NKAP: variants seen among roughly 807,000 people sequenced by gnomAD.
NKAP encodes the protein NF-kappa-B-activating protein.
A neutral mutation model predicts 35.6 loss-of-function variants in NKAP; 4 were observed. That is an observed-to-expected ratio of 0.11 (90% CI 0.06 to 0.26). NKAP has a LOEUF of 0.26. Ranked by LOEUF, NKAP falls within the 10% of genes least tolerant of loss-of-function variation. The pLI is 1.00. For missense variants in NKAP, 238 were observed against 321.9 expected, an observed-to-expected ratio of 0.74 and a Z score of 1.99; for synonymous variants, 106 against 119.2, an observed-to-expected ratio of 0.89 and a Z score of 0.72.
At chrX:119,925,865 C>A (rs926579502) in intron 8 of NKAP, among the ~76,000 whole-genome samples, 3 of 99,078 alleles carry the variant, frequency 3.0e-5, no homozygotes, top group Non-Finnish European at 6.1e-5. Context: ...GTCTTTGATT[C>A]ATTTCCACTA....
intron 2 of NKAP, 30 bp from the exon 3 acceptor site, chrX:119,936,712 T>A: frequency 9.2e-7 from 1 of 1,083,545 alleles, no homozygotes; most frequent in Non-Finnish European, 1.3e-6. Context: ...TTATAAGAAT[T>A]AGGAAAGTGA....
At chrX:119,928,991 G>C (rs866650501) in intron 8 of NKAP, among the ~76,000 whole-genome samples, 1 of 110,952 alleles carries the variant, frequency 9.0e-6, no homozygotes. Context: ...CCGCCTCCTG[G>C]GTTCATGCGA....
At chrX:119,929,759 CAA>C (rs1185549643) in intron 8 of NKAP, among the ~76,000 whole-genome samples, 1 of 111,581 alleles carries the variant, frequency 9.0e-6, no homozygotes, top group African/African-American at 3.3e-5. Context: ...AAGCAAATAC[CAA>C]CTAGGAAAGG....
chrX:119,936,414 ACTT>A lies in NKAP; in HGVS notation c.553_555del (p.Lys185del), dbSNP rs750968620. 2.2e-4 allele frequency: 251 copies of A among 1,154,013 alleles called. No individual in the cohort carries two copies. Among genetic ancestry groups the A allele is most frequent in the South Asian group, 1.8e-3 (91 of 50,518 alleles). ...TTGGACCTTTCTTTTGAACGGCTAG[ACTT>A]CTTCTTTTTTTCTTCTAAGAAAGTA... On this transcript the variant is annotated inframe_deletion, in exon 4 of 9. Coordinates refer to ENST00000371410, the MANE Select transcript of NKAP (RefSeq NM_024528.4).
chrX:119,933,745 C>T (rs1603380135), intron 5 of NKAP, among the ~76,000 whole-genome samples: 1 of 110,415 alleles, frequency 9.1e-6, no homozygotes, highest in East Asian at 2.8e-4. Flanking sequence ...TATTGAACTC[C>T]TGGGCTCAAG....
At position 119,921,470 on chromosome X, in the gene NKAP, A is replaced by G. The variant is rs1317216185; in HGVS notation, c.*3750T>C. On this transcript the variant is annotated 3_prime_UTR_variant, in exon 9 of 9. Coordinates refer to ENST00000371410, the MANE Select transcript of NKAP (RefSeq NM_024528.4). ...TTTTTAACTGTTAGATATTTGTGCAATAAATAAAAAAGGAGGGAAAACCAC... is the reference window on the plus strand; with the variant it reads ...TTTTTAACTGTTAGATATTTGTGCAGTAAATAAAAAAGGAGGGAAAACCAC... 1 of 107,291 alleles carries G rather than the reference A, an allele frequency of 9.3e-6. No individual in the cohort carries two copies. The highest frequency in any genetic ancestry group is 1.9e-5 in the Non-Finnish European group (1 of 52,154). 8.8% of individuals were successfully genotyped at this position (107,291 alleles called of 1,213,427 possible). A position where few individuals can be genotyped will look rare whatever the true frequency, so the allele number is the denominator to read the frequency against.
At chrX:119,926,428 G>A (rs1311497365) in intron 8 of NKAP, among the ~76,000 whole-genome samples, 9 of 108,783 alleles carry the variant, frequency 8.3e-5, no homozygotes, top group African/African-American at 3.0e-4. Context: ...CACCACGCCC[G>A]ACTAATTTTT....
intron 2 of NKAP, 116 bp from the exon 3 acceptor site, chrX:119,936,798 T>A: frequency 1.8e-6 from 1 of 545,378 alleles, no homozygotes; most frequent in Non-Finnish European, 3.1e-6. Context: ...CAAGAACCAT[T>A]AAAAGCAAGC....
chrX:119,931,995 T>G lies in NKAP; in HGVS notation c.864A>C (p.Ser288=). 8.3e-7 allele frequency: 1 copy of G among 1,208,353 alleles called. No homozygotes were observed. The highest frequency in any genetic ancestry group is 1.1e-6 in the Non-Finnish European group (1 of 892,739). ...WKDRTKAEEP[S]DLIGPEAPKT... ...TTGGAGCCTCTGGGCCAATTAAATC[T>G]GATGGTTCTTCAGCCTCTGCATGAA... Residue 288 remains serine, a synonymous_variant, in exon 7 of 9, where the codon TCA becomes TCC. Coordinates refer to ENST00000371410, the MANE Select transcript of NKAP (RefSeq NM_024528.4).
At position 119,930,201 on chromosome X, in the gene NKAP, A is replaced by G. The variant is rs370283339; in HGVS notation, c.924-36T>C. The G allele has an allele frequency of 1.3e-4, 153 of 1,136,215 alleles. 1 individual carries two copies. The African/African-American group carries it at 2.6e-3, about 19-fold the overall frequency. 93.6% of individuals were successfully genotyped at this position (1,136,215 alleles called of 1,213,427 possible). A position where few individuals can be genotyped will look rare whatever the true frequency, so the allele number is the denominator to read the frequency against. ...ATTCAGAATTCAGAAAAGGTCCATT[A>G]AATCATCTTAATATTAAAAGCTTAT... On this transcript the variant is annotated intron_variant, in intron 7 of 8. Transcript: ENST00000371410.
chrX:119,940,623 C>T (rs1390324070), intron 1 of NKAP, among the ~76,000 whole-genome samples: 1 of 111,970 alleles, frequency 8.9e-6, no homozygotes, highest in East Asian at 2.8e-4. Context: ...TTTAAAAATC[C>T]TTCCAAAATA....
Position 119,920,680 on chromosome X carries a change from C to A in NKAP, c.*4540G>T. The A allele has an allele frequency of 1.3e-6, 1 of 771,155 alleles. No homozygotes were observed. 63.6% of individuals were successfully genotyped at this position (771,155 alleles called of 1,213,427 possible). On this transcript the variant is annotated 3_prime_UTR_variant, in exon 9 of 9. Coordinates refer to ENST00000371410, the MANE Select transcript of NKAP (RefSeq NM_024528.4). ...AAATACAATACAGCACGTCAAACCACAGAATATTTATTGAGTAATAAACTT... is the reference window on the plus strand; with the variant it reads ...AAATACAATACAGCACGTCAAACCAAAGAATATTTATTGAGTAATAAACTT...
chrX:119,935,064 A>G (rs897449457), intron 4 of NKAP, among the ~76,000 whole-genome samples: 50 of 111,572 alleles, frequency 4.5e-4, no homozygotes, highest in African/African-American at 1.4e-3. Context: ...GGGGAGAGAG[A>G]ATCCTTTCCT....
intron 4 of NKAP, among the ~76,000 whole-genome samples, chrX:119,935,847 T>A (rs1199308964): frequency 9.0e-6 from 1 of 111,625 alleles, no homozygotes; most frequent in African/African-American, 3.3e-5. Context: ...TGGCATACCT[T>A]TTTGAAAACT....
intron 1 of NKAP, chrX:119,942,877 C>T: frequency 6.5e-6 from 1 of 154,556 alleles, no homozygotes; most frequent in African/African-American, 3.1e-5. Flanking sequence ...TTTCCATGAG[C>T]TCAGTCTAGT....
intron 5 of NKAP, among the ~76,000 whole-genome samples, chrX:119,932,982 CA>C (rs5903567): frequency 4.6e-4 from 41 of 89,497 alleles, no homozygotes; most frequent in South Asian, 5.0e-4. Flanking sequence ...GACACGGTCT[CA>C]AAAAAAAAAA....
At chrX:119,934,610 C>A in intron 4 of NKAP, 53 bp from the exon 5 acceptor site, 1 of 886,880 alleles carries the variant, frequency 1.1e-6, no homozygotes. Flanking sequence ...ACTCTAAAAC[C>A]GTAGTACTTT....
Position 119,943,525 on chromosome X carries a change from A to C in NKAP, c.81T>G (p.Ser27Arg). 1 of 1,208,785 alleles carries C rather than the reference A, an allele frequency of 8.3e-7. No individual in the cohort carries two copies. The highest frequency in any genetic ancestry group is 1.1e-6 in the Non-Finnish European group (1 of 894,225). The change falls in exon 1 of 9, where the codon AGT becomes AGG. Residue 27 changes from serine (S) to arginine (R), a missense_variant. Physicochemically the swap from Ser to Arg is moderately radical, Grantham distance 110 (BLOSUM62 -1). Around this residue, in one of 5 missense-constraint regions of NKAP, gnomAD observed 123 missense variants for 115.3 expected, o/e 1.07. Coordinates refer to ENST00000371410, the MANE Select transcript of NKAP (RefSeq NM_024528.4). Reference protein sequence around the residue: ...SGGRRRSSSKSPKPSKSARSP... With the variant: ...SGGRRRSSSKRPKPSKSARSP... ...AGCGGGCAGATTTGCTGGGCTTCGG[A>C]CTCTTCGACGAACTGCGACGTCTTC...
At chrX:119,942,198 C>A (rs965056734) in intron 1 of NKAP, among the ~76,000 whole-genome samples, 1 of 111,313 alleles carries the variant, frequency 9.0e-6, no homozygotes, top group Non-Finnish European at 1.9e-5. Context: ...CTCGGCAGGG[C>A]ATGTGGGGTC....
Sources: gnomAD v4.1 joint callset for allele counts (sites outside exome capture counted in the v4.1 genomes callset) on GRCh38, gnomAD v4.1.1 for gene constraint, gnomAD v4.1.1 regional missense constraint, MANE v1.5 for transcripts, NCBI Gene and HGNC (gene_info 2026-07-23, HGNC 2026-07-21) for gene names.